The following TMEM230 variants were observed in gnomAD, a reference collection of about 807,000 sequenced individuals.
TMEM230 encodes UPF0414 transmembrane protein C20orf30.
Under a neutral mutation model 15.8 loss-of-function variants are expected in TMEM230, and 10 were observed. The ratio of observed to expected loss-of-function variants is 0.63; its 90% confidence interval spans 0.39 to 1.07. TMEM230 has a LOEUF of 1.07. Ranked by LOEUF, TMEM230 falls within the 50% of genes least tolerant of loss-of-function variation. The pLI, the probability that TMEM230 is intolerant of heterozygous loss-of-function variation, is 0.01. For synonymous variants in TMEM230, 67 were observed against 76.9 expected, an observed-to-expected ratio of 0.87 and a Z score of 0.68; for missense variants, 165 against 193.3, an observed-to-expected ratio of 0.85 and a Z score of 0.87.
intron 3 of TMEM230, among the ~76,000 whole-genome samples, chr20:5,078,868 C>A (rs1328613784): frequency 6.6e-6 from 1 of 152,176 alleles, no homozygotes. Flanking sequence ...TGGTTCCCTG[C>A]AGCCTCAACC....
intron 3 of TMEM230, among the ~76,000 whole-genome samples, chr20:5,107,794 A>G (rs552169006): frequency 1.3e-5 from 2 of 149,980 alleles, no homozygotes; most frequent in South Asian, 4.4e-4. Flanking sequence ...AGCCTGGGCA[A>G]AAGAGCAAGA....
chr20:5,095,065 G>A (rs917307479), downstream of TMEM230, among the ~76,000 whole-genome samples: 11 of 152,200 alleles, frequency 7.2e-5, no homozygotes, highest in South Asian at 2.1e-4. Context: ...CAAAAGCAGC[G>A]CGGTGGATGG....
intron 4 of TMEM230, among the ~76,000 whole-genome samples, chr20:5,104,985 T>A (rs985075307): frequency 6.6e-6 from 1 of 152,198 alleles, no homozygotes; most frequent in Non-Finnish European, 1.5e-5. Flanking sequence ...ATTGTACATT[T>A]AAAAATATAA....
intron 3 of TMEM230, among the ~76,000 whole-genome samples, chr20:5,073,540 A>G: frequency 6.6e-6 from 1 of 152,340 alleles, no homozygotes; most frequent in Middle Eastern, 3.4e-3. Flanking sequence ...GGGACTGTAC[A>G]GGCGAGGCTG....
chr20:5,074,100 G>A (rs2088912991), intron 3 of TMEM230, among the ~76,000 whole-genome samples: 1 of 152,088 alleles, frequency 6.6e-6, no homozygotes, highest in Admixed American at 6.6e-5. Context: ...CCATGAGATG[G>A]CACCAAGCCA....
At chr20:5,088,929 A>C (rs975516976) in intron 3 of TMEM230, among the ~76,000 whole-genome samples, 14 of 152,248 alleles carry the variant, frequency 9.2e-5, no homozygotes, top group African/African-American at 3.1e-4. Flanking sequence ...GGAACTTAGT[A>C]TAATAGATTT....
At chr20:5,104,009 T>C (rs2089975639) in intron 4 of TMEM230, among the ~76,000 whole-genome samples, 2 of 152,020 alleles carry the variant, frequency 1.3e-5, no homozygotes, top group South Asian at 2.1e-4. Context: ...GGAAAAAATA[T>C]ATGCAAAGTA....
chr20:5,083,489 C>A (rs1315200926), intron 3 of TMEM230, among the ~76,000 whole-genome samples: 1 of 152,054 alleles, frequency 6.6e-6, no homozygotes, highest in African/African-American at 2.4e-5. Flanking sequence ...AGAAGAGAGT[C>A]ATATGATTTT....
chr20:5,101,043 C>A (rs957532411), intron 4 of TMEM230, 112 bp from the exon 4 acceptor site: 22 of 1,306,454 alleles, frequency 1.7e-5, no homozygotes, highest in Middle Eastern at 2.0e-4. Context: ...AGTACTTTTT[C>A]TTTGAGTTGT....
intron 3 of TMEM230, among the ~76,000 whole-genome samples, chr20:5,107,349 T>C (rs985365405): frequency 6.6e-6 from 1 of 152,124 alleles, no homozygotes; most frequent in African/African-American, 2.4e-5. Flanking sequence ...CCAAACTAGA[T>C]ACTTTATGTG....
intron 3 of TMEM230, among the ~76,000 whole-genome samples, chr20:5,085,339 A>AG (rs1344440425): frequency 1.3e-5 from 2 of 150,934 alleles, no homozygotes; most frequent in Admixed American, 1.3e-4. Context: ...CCCAGGCTGG[A>AG]GTGCAGTGGC....
intron 3 of TMEM230, among the ~76,000 whole-genome samples, chr20:5,093,788 T>C (rs1287819379): frequency 1.3e-5 from 2 of 152,190 alleles, no homozygotes; most frequent in African/African-American, 4.8e-5. Context: ...TGTGACTGCC[T>C]TGGCCTCCCA....
intron 3 of TMEM230, among the ~76,000 whole-genome samples, chr20:5,072,848 CAAAAAA>C (rs3056051): frequency 4.1e-4 from 21 of 51,450 alleles, no homozygotes; most frequent in Admixed American, 3.6e-3. Context: ...GACTCCACCT[CAAAAAA>C]AAAAAAAAAA....
intron 3 of TMEM230, among the ~76,000 whole-genome samples, chr20:5,089,374 CAA>C (rs11357562): frequency 4.2e-5 from 6 of 142,528 alleles, no homozygotes; most frequent in Admixed American, 7.0e-5. Context: ...GAATCTGTTC[CAA>C]AAAAAAAAAG....
At chr20:5,086,839 A>T (rs1303257958) in intron 3 of TMEM230, among the ~76,000 whole-genome samples, 1 of 151,832 alleles carries the variant, frequency 6.6e-6, no homozygotes, top group Middle Eastern at 3.4e-3. Flanking sequence ...AGCTGGGACT[A>T]CAGATGCACA....
chr20:5,107,173 G>A (rs1261638200), intron 3 of TMEM230, among the ~76,000 whole-genome samples: 2 of 152,180 alleles, frequency 1.3e-5, no homozygotes, highest in Non-Finnish European at 2.9e-5. Flanking sequence ...GTGGTGGCAT[G>A]TGCCTGCAGT....
intron 3 of TMEM230, chr20:5,069,379 A>G (rs1218246244): frequency 2.0e-6 from 3 of 1,514,044 alleles, no homozygotes; most frequent in Non-Finnish European, 2.6e-6. Context: ...TCTCAATTCC[A>G]CCACAAGTTC....
chr20:5,109,316 T>C lies in TMEM230; in HGVS notation c.288+16A>G, dbSNP rs2090218013. ...AACACAGCCAGTCAGTCTTGTCAGT[T>C]CTCTTCTGCATTTACCTGAAGGTCA... On this transcript the variant is annotated intron_variant, in intron 3 of 4. Transcript: ENST00000342308. 1 of 1,596,362 alleles carries C rather than the reference T, an allele frequency of 6.3e-7. No homozygotes were observed. Among genetic ancestry groups the C allele is most frequent in the Non-Finnish European group, 8.6e-7 (1 of 1,167,056 alleles).
chr20:5,077,970 C>T (rs2089054598), intron 3 of TMEM230, among the ~76,000 whole-genome samples: 1 of 152,130 alleles, frequency 6.6e-6, no homozygotes, highest in African/African-American at 2.4e-5. Context: ...AGATAAGTAG[C>T]ATGGGGCCTG....
Sources: allele counts gnomAD v4.1 joint callset (sites outside exome capture counted in the v4.1 genomes callset), GRCh38; gene constraint gnomAD v4.1.1; transcripts MANE v1.5; gene names NCBI Gene and HGNC (gene_info 2026-07-23, HGNC 2026-07-21).